Variants in DNAH7 observed in about 807,000 individuals in gnomAD.
The protein encoded by DNAH7 is dynein axonemal heavy chain 7.
DNAH7 carries 397 observed loss-of-function variants against 444.6 expected under a neutral mutation model. That is an observed-to-expected ratio of 0.89 (90% CI 0.82 to 0.97). The LOEUF (loss-of-function observed/expected upper bound fraction) is 0.97. DNAH7 is among the 50% of genes least tolerant of loss of function. The pLI is 0.00. For synonymous variants in DNAH7, 1,636 were observed against 1,624.4 expected, an observed-to-expected ratio of 1.01 and a Z score of -0.17; for missense variants, 4,902 against 4,800.8, an observed-to-expected ratio of 1.02 and a Z score of -0.62.
At chr2:195,949,573 A>G (rs1424490358) in intron 19 of DNAH7, among the ~76,000 whole-genome samples, 1 of 151,952 alleles carries the variant, frequency 6.6e-6, no homozygotes, top group African/African-American at 2.4e-5. Flanking sequence ...CATGAGCCAC[A>G]GCGCCTGGCT....
chr2:196,015,356 GTTC>G (rs1365172322), intron 9 of DNAH7, among the ~76,000 whole-genome samples: 2 of 151,696 alleles, frequency 1.3e-5, no homozygotes, highest in African/African-American at 4.8e-5. Flanking sequence ...CAATTATAGT[GTTC>G]TTATCTAGTA....
chr2:196,062,119 T>C (rs1377342306), intron 1 of DNAH7, among the ~76,000 whole-genome samples: 1 of 152,202 alleles, frequency 6.6e-6, no homozygotes, highest in Non-Finnish European at 1.5e-5. Flanking sequence ...TTTTAAAACA[T>C]TCTTTTCTCT....
intron 5 of DNAH7, among the ~76,000 whole-genome samples, chr2:196,039,207 C>A (rs1017994168): frequency 6.6e-6 from 1 of 152,012 alleles, no homozygotes; most frequent in African/African-American, 2.4e-5. Context: ...ATAGCAAGAG[C>A]AACTTTGAAA....
At chr2:195,876,850 C>T in intron 36 of DNAH7, 151 bp from the exon 37 acceptor site, 1 of 602,386 alleles carries the variant, frequency 1.7e-6, no homozygotes, top group Admixed American at 3.0e-5. Context: ...ATAACAGTTA[C>T]CATGCCAATG....
intron 9 of DNAH7, among the ~76,000 whole-genome samples, chr2:196,013,803 A>T (rs2125727660): frequency 6.6e-6 from 1 of 152,336 alleles, no homozygotes; most frequent in South Asian, 2.1e-4. Flanking sequence ...CACATAGTAA[A>T]CATGATCTGA....
At chr2:196,029,764 C>T (rs541075801) in intron 5 of DNAH7, among the ~76,000 whole-genome samples, 2 of 152,012 alleles carry the variant, frequency 1.3e-5, no homozygotes, top group Non-Finnish European at 2.9e-5. Flanking sequence ...GTGCTTATTC[C>T]GTTCAGAAAT....
intron 41 of DNAH7, among the ~76,000 whole-genome samples, chr2:195,863,550 T>G (rs531619043): frequency 6.6e-6 from 1 of 152,266 alleles, no homozygotes; most frequent in East Asian, 1.9e-4. Flanking sequence ...AAAAGGTCAC[T>G]CTGGCTTTCT....
chr2:195,839,928 T>C (rs1025506623), intron 47 of DNAH7, among the ~76,000 whole-genome samples: 1 of 151,908 alleles, frequency 6.6e-6, no homozygotes, highest in East Asian at 1.9e-4. Flanking sequence ...GTCATTTCTA[T>C]GAAACATTTA....
chr2:195,781,974 T>TACACAC (rs1357047428), intron 58 of DNAH7, among the ~76,000 whole-genome samples: 1 of 44,380 alleles, frequency 2.3e-5, no homozygotes. Context: ...AGGTGGGTCT[T>TACACAC]ATACACACAC....
chr2:195,816,792 G>A lies in DNAH7; in HGVS notation c.9597C>T (p.Thr3199=), dbSNP rs1559117580. The A allele has an allele frequency of 6.2e-7, 1 of 1,614,126 alleles. No homozygotes were observed. The highest frequency in any genetic ancestry group is 2.2e-5 in the East Asian group (1 of 44,854). ...TGGCAATAGGACGATAGCCCATGCGGGTGGTGTCAATCTTTTTCTCTGTCT... is the reference window on the plus strand; with the variant it reads ...TGGCAATAGGACGATAGCCCATGCGAGTGGTGTCAATCTTTTTCTCTGTCT... ...AEETEKKIDT[T]RMGYRPIAIH... is the part of the protein sequence containing the mutation. Residue 3199 remains threonine (T), a synonymous_variant, in exon 51 of 65, where the codon ACC becomes ACT. Coordinates refer to ENST00000312428, the MANE Select transcript of DNAH7 (RefSeq NM_018897.3).
intron 58 of DNAH7, among the ~76,000 whole-genome samples, chr2:195,779,608 T>G (rs1274699430): frequency 6.7e-6 from 1 of 149,968 alleles, no homozygotes; most frequent in Non-Finnish European, 1.5e-5. Flanking sequence ...TATTGTAGGG[T>G]TTTTTTTGTT....
chr2:195,929,432 A>G (rs1049674404), intron 21 of DNAH7, among the ~76,000 whole-genome samples: 1 of 152,214 alleles, frequency 6.6e-6, no homozygotes, highest in Non-Finnish European at 1.5e-5. Flanking sequence ...CTAAGCAAAA[A>G]GAACAAAGCC....
Position 195,809,278 on chromosome 2 carries a change from CACA to C in DNAH7, c.9889-405_9889-403del, listed in dbSNP as rs1696849336. ...CATAAAGTATAATGAGTTACTGATA[CACA>C]ACTTTTGCAAGAAATGCAAGAATAA... On this transcript the variant is annotated intron_variant, in intron 52 of 64. Coordinates refer to ENST00000312428, the MANE Select transcript of DNAH7 (RefSeq NM_018897.3). Among the ~76,000 whole-genome samples the C allele has an allele frequency of 3.9e-5, 6 of 152,256 alleles. 1 individual carries two copies. The South Asian group carries it at 1.2e-3, about 32-fold the overall frequency.
intron 19 of DNAH7, among the ~76,000 whole-genome samples, chr2:195,938,383 A>ACACACAC (rs1689200137): frequency 2.5e-5 from 3 of 118,138 alleles, no homozygotes; most frequent in African/African-American, 1.1e-4. Flanking sequence ...CACACACACA[A>ACACACAC]ACACACACAG....
chr2:195,794,573 T>C (rs975109731), intron 56 of DNAH7, 35 bp from the exon 57 acceptor site: 1 of 1,595,202 alleles, frequency 6.3e-7, no homozygotes, highest in South Asian at 1.1e-5. Context: ...AAAGAGTAAA[T>C]AAAACCCAAA....
intron 47 of DNAH7, among the ~76,000 whole-genome samples, chr2:195,837,444 A>G (rs1267857005): frequency 6.6e-6 from 1 of 152,214 alleles, no homozygotes; most frequent in Non-Finnish European, 1.5e-5. Context: ...AAAGTAAATA[A>G]TAACAAGTGA....
intron 42 of DNAH7, 141 bp from the exon 43 acceptor site, chr2:195,858,945 A>G (rs1016619170): frequency 3.0e-6 from 2 of 664,398 alleles, no homozygotes; most frequent in African/African-American, 3.6e-5. Flanking sequence ...ATAAATGACA[A>G]TCTGTCAAAA....
chr2:196,052,584 G>T (rs1441575456), intron 2 of DNAH7, among the ~76,000 whole-genome samples: 1 of 152,214 alleles, frequency 6.6e-6, no homozygotes, highest in Non-Finnish European at 1.5e-5. Flanking sequence ...ACGCTGTGGG[G>T]TAAATACTGT....
intron 61 of DNAH7, among the ~76,000 whole-genome samples, chr2:195,762,531 A>T (rs1694394629): frequency 6.6e-6 from 1 of 152,214 alleles, no homozygotes; most frequent in Non-Finnish European, 1.5e-5. Flanking sequence ...AAATAAAAGG[A>T]TAAAGATATT....
Sources: gnomAD v4.1 joint callset for allele counts (sites outside exome capture counted in the v4.1 genomes callset) on GRCh38, gnomAD v4.1.1 for gene constraint, MANE v1.5 for transcripts, NCBI Gene and HGNC (gene_info 2026-07-23, HGNC 2026-07-21) for gene names.